GABRG3: variants seen among roughly 807,000 people sequenced by gnomAD.
GABRG3 encodes the protein gamma-aminobutyric acid type A receptor subunit gamma3.
Under a neutral mutation model 48.8 loss-of-function variants are expected in GABRG3, and 25 were observed. The ratio of observed to expected loss-of-function variants is 0.51; its 90% CI spans 0.37 to 0.72. GABRG3 has a LOEUF of 0.72. Ranked by LOEUF, GABRG3 falls within the 30% of genes least tolerant of loss-of-function variation. The pLI is 0.00. For missense variants in GABRG3, 394 were observed against 577.9 expected, an observed-to-expected ratio of 0.68 and a Z score of 3.26; for synonymous variants, 227 against 217.6, an observed-to-expected ratio of 1.04 and a Z score of -0.38.
intron 3 of GABRG3, among the ~76,000 whole-genome samples, chr15:27,211,414 G>A (rs940687942): frequency 3.3e-5 from 5 of 152,100 alleles, no homozygotes; most frequent in South Asian, 4.2e-4. Flanking sequence ...GCGTGGAGCC[G>A]CCCCATCCTA....
intron 5 of GABRG3, chr15:27,420,769 AT>A (rs1170277388): frequency 1.3e-5 from 2 of 152,248 alleles, no homozygotes; most frequent in African/African-American, 4.8e-5. Flanking sequence ...CTTTGACTAA[AT>A]TTATAGTTTC....
chr15:27,295,692 A>G (rs2140489325), intron 3 of GABRG3, among the ~76,000 whole-genome samples: 1 of 152,322 alleles, frequency 6.6e-6, no homozygotes, highest in East Asian at 1.9e-4. Context: ...CATGGGGGAC[A>G]AAAATTAGAG....
chr15:27,199,885 C>T (rs190130947), intron 3 of GABRG3, among the ~76,000 whole-genome samples: 72 of 151,554 alleles, frequency 4.8e-4, no homozygotes, highest in African/African-American at 1.4e-3. Context: ...TTCTTCCTCC[C>T]TCCCTGCTTC....
At chr15:27,395,541 C>T (rs1887273958) in intron 5 of GABRG3, among the ~76,000 whole-genome samples, 1 of 151,652 alleles carries the variant, frequency 6.6e-6, no homozygotes, top group African/African-American at 2.4e-5. Flanking sequence ...AGTGTAGATA[C>T]ATAGATCTAT....
chr15:27,011,624 G>A (rs1471502154), intron 2 of GABRG3, among the ~76,000 whole-genome samples: 1 of 152,014 alleles, frequency 6.6e-6, no homozygotes, highest in East Asian at 1.9e-4. Context: ...GAGGCAGGCG[G>A]ATCACAAGGT....
At chr15:27,187,037 G>C (rs1888119226) in intron 3 of GABRG3, among the ~76,000 whole-genome samples, 1 of 149,406 alleles carries the variant, frequency 6.7e-6, no homozygotes, top group South Asian at 2.1e-4. Flanking sequence ...TTTCCTCTGG[G>C]ATTTTTATAG....
intron 3 of GABRG3, among the ~76,000 whole-genome samples, chr15:27,045,179 C>T (rs1896341354): frequency 1.3e-5 from 2 of 152,120 alleles, no homozygotes; most frequent in Non-Finnish European, 2.9e-5. Flanking sequence ...AGGAGCATGG[C>T]CTAGATCAGA....
At chr15:27,292,546 T>C (rs867189194) in intron 3 of GABRG3, among the ~76,000 whole-genome samples, 5 of 152,226 alleles carry the variant, frequency 3.3e-5, no homozygotes, top group African/African-American at 1.2e-4. Context: ...ACATATTATG[T>C]ACATATATGT....
chr15:27,481,955 C>T (rs1890110590), intron 6 of GABRG3, among the ~76,000 whole-genome samples: 1 of 152,152 alleles, frequency 6.6e-6, no homozygotes, highest in Non-Finnish European at 1.5e-5. Flanking sequence ...AGGGAGTCAC[C>T]AAGCAGCAGG....
chr15:27,067,752 G>C (rs1214185463), intron 3 of GABRG3, among the ~76,000 whole-genome samples: 1 of 152,156 alleles, frequency 6.6e-6, no homozygotes, highest in East Asian at 1.9e-4. Context: ...AAGCCTGGCT[G>C]TTCAGGCCTC....
intron 5 of GABRG3, among the ~76,000 whole-genome samples, chr15:27,408,489 A>T (rs1249823063): frequency 6.6e-6 from 1 of 152,178 alleles, no homozygotes; most frequent in Non-Finnish European, 1.5e-5. Flanking sequence ...TTCTGAAATT[A>T]TTTCTAACTA....
chr15:27,108,576 A>G (rs1897490899), intron 3 of GABRG3, among the ~76,000 whole-genome samples: 1 of 152,148 alleles, frequency 6.6e-6, no homozygotes, highest in Admixed American at 6.5e-5. Context: ...GTATTCAATA[A>G]CTGTCAGTTA....
intron 5 of GABRG3, among the ~76,000 whole-genome samples, chr15:27,455,165 T>G (rs1889225452): frequency 1.3e-5 from 2 of 152,352 alleles, no homozygotes; most frequent in African/African-American, 4.8e-5. Context: ...TTGTGAGGTC[T>G]TAGAAGGTGA....
chr15:27,076,572 C>A (rs1192160408), intron 3 of GABRG3, among the ~76,000 whole-genome samples: 1 of 152,260 alleles, frequency 6.6e-6, no homozygotes, highest in East Asian at 1.9e-4. Context: ...GATCCACCCA[C>A]CTCAGCCTCC....
rs1595739528 is a variant in GABRG3 at position 27,415,808 on chromosome 15, C to T, written c.575-64842C>T. On this transcript the variant is annotated intron_variant, in intron 5 of 9. Coordinates refer to ENST00000615808, the MANE Select transcript of GABRG3 (RefSeq NM_033223.5). ...AAGAAAGATTAAGCTGGAAGTGGGG[C>T]CATGCAAGAAAGAGCCTTTCCTTTT... Among the ~76,000 whole-genome samples the T allele has an allele frequency of 2.0e-5, 3 of 152,260 alleles. No individual in the cohort carries two copies. In the East Asian group the frequency reaches 5.8e-4, roughly 29 times the overall value.
chr15:27,287,327 G>A (rs564812023), intron 3 of GABRG3, among the ~76,000 whole-genome samples: 1 of 152,228 alleles, frequency 6.6e-6, no homozygotes, highest in Non-Finnish European at 1.5e-5. Flanking sequence ...TTGGAGAAGA[G>A]TTAAACTGAA....
At chr15:27,465,183 T>A (rs765734257) in intron 5 of GABRG3, among the ~76,000 whole-genome samples, 24 of 152,176 alleles carry the variant, frequency 1.6e-4, no homozygotes, top group Non-Finnish European at 3.2e-4. Flanking sequence ...GTCAGCCCAC[T>A]TGCCTCAGCA....
chr15:27,415,404 TC>T (rs1394936014), intron 5 of GABRG3, among the ~76,000 whole-genome samples: 2 of 152,200 alleles, frequency 1.3e-5, no homozygotes, highest in Admixed American at 6.5e-5. Flanking sequence ...AGAATTTCCA[TC>T]TCTTTGCTTA....
At chr15:27,399,063 C>T (rs1887404540) in intron 5 of GABRG3, among the ~76,000 whole-genome samples, 1 of 152,142 alleles carries the variant, frequency 6.6e-6, no homozygotes, top group Non-Finnish European at 1.5e-5. Flanking sequence ...CATGGCAGAC[C>T]TTTCCTCTCA....
Sources: gnomAD v4.1 joint callset for allele counts (sites outside exome capture counted in the v4.1 genomes callset) on GRCh38, gnomAD v4.1.1 for gene constraint, MANE v1.5 for transcripts, NCBI Gene and HGNC (gene_info 2026-07-23, HGNC 2026-07-21) for gene names.